Variants in MAGI2 observed in about 807,000 individuals in gnomAD.
MAGI2 encodes the protein membrane associated guanylate kinase, WW and PDZ domain containing 2, also known as membrane-associated guanylate kinase, WW and PDZ domain-containing protein 2.
In MAGI2, 35 loss-of-function variants were observed where a neutral mutation model predicts 133.3. That is an observed-to-expected ratio of 0.26 (90% CI 0.20 to 0.35). The LOEUF is 0.35. MAGI2 is among the 10% of genes least tolerant of loss of function. MAGI2 has a pLI of 1.00. For missense variants in MAGI2, 1,636 were observed against 1,863.4 expected (o/e 0.88, Z 2.25); for synonymous variants, 729 against 710.6 (o/e 1.03, Z -0.41).
intron 20 of MAGI2, among the ~76,000 whole-genome samples, chr7:78,079,665 C>A (rs916460591): frequency 6.6e-6 from 1 of 152,014 alleles, no homozygotes; most frequent in Non-Finnish European, 1.5e-5. Context: ...CTATCACAGC[C>A]CCTTGAATTA....
chr7:79,085,993 A>C (rs985689259), intron 1 of MAGI2, among the ~76,000 whole-genome samples: 2 of 151,962 alleles, frequency 1.3e-5, no homozygotes, highest in African/African-American at 4.8e-5. Flanking sequence ...GGGCACATGC[A>C]CAATTCTTCA....
At chr7:78,049,195 G>C (rs1357341877) in intron 21 of MAGI2, among the ~76,000 whole-genome samples, 2 of 152,008 alleles carry the variant, frequency 1.3e-5, no homozygotes, top group African/African-American at 4.8e-5. Flanking sequence ...TTTGTTTAAA[G>C]GACAGGACAT....
At chr7:79,154,248 A>G (rs953214853) in intron 1 of MAGI2, among the ~76,000 whole-genome samples, 1 of 152,222 alleles carries the variant, frequency 6.6e-6, no homozygotes, top group Non-Finnish European at 1.5e-5. Flanking sequence ...TAAAGTAGTC[A>G]TTGAATATCA....
intron 2 of MAGI2, among the ~76,000 whole-genome samples, chr7:78,672,740 G>C (rs1585043793): frequency 6.6e-6 from 1 of 152,094 alleles, no homozygotes; most frequent in African/African-American, 2.4e-5. Flanking sequence ...CCCATCCTGG[G>C]GCTGTTGAAT....
intron 3 of MAGI2, among the ~76,000 whole-genome samples, chr7:78,551,333 GT>G (rs1395330580): frequency 6.6e-6 from 1 of 152,126 alleles, no homozygotes; most frequent in Admixed American, 6.5e-5. Context: ...AGTTTACACT[GT>G]TTTTTTGTTT....
At chr7:79,117,233 A>G (rs770423614) in intron 1 of MAGI2, among the ~76,000 whole-genome samples, 4 of 152,206 alleles carry the variant, frequency 2.6e-5, no homozygotes, top group Non-Finnish European at 5.9e-5. Flanking sequence ...GTAGAAACCC[A>G]CTAAGAAAAT....
At chr7:78,480,283 A>C (rs1792213851) in intron 6 of MAGI2, among the ~76,000 whole-genome samples, 2 of 152,036 alleles carry the variant, frequency 1.3e-5, no homozygotes, top group South Asian at 2.1e-4. Flanking sequence ...CCAATTTTAC[A>C]CAATCTTTTC....
At chr7:78,723,900 C>T (rs747482394) in intron 2 of MAGI2, among the ~76,000 whole-genome samples, 2 of 152,022 alleles carry the variant, frequency 1.3e-5, no homozygotes, top group African/African-American at 2.4e-5. Context: ...CAGAACATGA[C>T]GAAGCCACAC....
intron 2 of MAGI2, among the ~76,000 whole-genome samples, chr7:78,677,477 G>A (rs749598837): frequency 6.6e-6 from 1 of 151,480 alleles, no homozygotes; most frequent in East Asian, 1.9e-4. Flanking sequence ...TTATAAGAAT[G>A]GTACTTAAAG....
rs961526137 is a variant in MAGI2, at chr7:79,009,358, G to A, written c.302-2152C>T. 2.0e-5 allele frequency among the ~76,000 whole-genome samples: 3 copies of A among 151,506 alleles called. No homozygotes were observed. The South Asian group carries it at 6.3e-4, about 32-fold the overall frequency. On this transcript the variant is annotated intron_variant, in intron 1 of 21. Transcript: ENST00000354212. ...ATAGAAGAACTGTCGAAACTTTTAA[G>A]AATCAATATAAAATTTCCTTCACTA...
intron 20 of MAGI2, among the ~76,000 whole-genome samples, chr7:78,118,765 G>T (rs1820131543): frequency 6.6e-6 from 1 of 152,150 alleles, no homozygotes; most frequent in African/African-American, 2.4e-5. Flanking sequence ...AATGTAAAAT[G>T]GTATAGCCAA....
intron 1 of MAGI2, among the ~76,000 whole-genome samples, chr7:79,440,446 G>C (rs781151092): frequency 2.6e-5 from 4 of 151,940 alleles, no homozygotes; most frequent in Non-Finnish European, 5.9e-5. Flanking sequence ...TATTACTTCA[G>C]AATGGTAAAA....
intron 3 of MAGI2, among the ~76,000 whole-genome samples, chr7:78,580,349 G>GA (rs1162699150): frequency 6.6e-6 from 1 of 152,158 alleles, no homozygotes; most frequent in Non-Finnish European, 1.5e-5. Flanking sequence ...TACAGTTCTT[G>GA]AAAAGGACAA....
chr7:78,794,248 G>A (rs567448781), intron 2 of MAGI2, among the ~76,000 whole-genome samples: 9 of 152,178 alleles, frequency 5.9e-5, no homozygotes, highest in Admixed American at 4.6e-4. Flanking sequence ...CCTGAGATGC[G>A]GGCTCAGCTG....
intron 1 of MAGI2, among the ~76,000 whole-genome samples, chr7:79,393,991 T>C (rs1844859402): frequency 6.6e-6 from 1 of 152,142 alleles, no homozygotes; most frequent in Non-Finnish European, 1.5e-5. Flanking sequence ...CTTGAAGAGT[T>C]AATGATCATC....
At chr7:78,477,436 C>A (rs185798706) in intron 6 of MAGI2, among the ~76,000 whole-genome samples, 1 of 151,894 alleles carries the variant, frequency 6.6e-6, no homozygotes, top group South Asian at 2.1e-4. Context: ...TCTGTTCTCA[C>A]GCTGCTAATA....
At chr7:79,347,029 G>A (rs915867916) in intron 1 of MAGI2, among the ~76,000 whole-genome samples, 6 of 151,708 alleles carry the variant, frequency 4.0e-5, no homozygotes, top group Non-Finnish European at 5.9e-5. Context: ...TTCTTTATTC[G>A]CAGCCATGAT....
At chr7:78,640,559 G>A (rs1362481801) in intron 2 of MAGI2, among the ~76,000 whole-genome samples, 1 of 152,114 alleles carries the variant, frequency 6.6e-6, no homozygotes, top group Non-Finnish European at 1.5e-5. Flanking sequence ...ACCTCCTTTA[G>A]AGAGATCAAG....
At chr7:78,818,404 T>C (rs928505723) in intron 2 of MAGI2, among the ~76,000 whole-genome samples, 7 of 152,188 alleles carry the variant, frequency 4.6e-5, no homozygotes, top group African/African-American at 1.7e-4. Flanking sequence ...TATTTCTGAG[T>C]ATGAACTGCC....
Sources: gnomAD v4.1 joint callset for allele counts (sites outside exome capture counted in the v4.1 genomes callset) on GRCh38, gnomAD v4.1.1 for gene constraint, MANE v1.5 for transcripts, NCBI Gene and HGNC (gene_info 2026-07-23, HGNC 2026-07-21) for gene names.